ASNS: variants seen among roughly 807,000 people sequenced by gnomAD.
The protein encoded by ASNS is asparagine synthetase (glutamine-hydrolyzing), also known as asparagine synthetase [glutamine-hydrolyzing].
ASNS carries 37 observed loss-of-function variants against 62.6 expected under a neutral mutation model. The observed-to-expected ratio is 0.59, with a 90% CI of 0.45 to 0.78. The LOEUF is 0.78. ASNS is among the 30% of genes least tolerant of loss of function. The pLI is 0.00. For missense variants in ASNS, 520 were observed against 682.4 expected (o/e 0.76, Z 2.65); for synonymous variants, 207 against 237.9 (o/e 0.87, Z 1.19).
chr7:97,927,846 A>G, the ASNS span, among the ~76,000 whole-genome samples: 1 of 152,262 alleles, frequency 6.6e-6, no homozygotes, highest in Non-Finnish European at 1.5e-5. Flanking sequence ...TGAGGATGTC[A>G]CCATGAGCAA....
the ASNS span, chr7:97,898,572 A>T: frequency 1.7e-6 from 1 of 601,756 alleles, no homozygotes; most frequent in South Asian, 1.7e-5. Flanking sequence ...TTTATTGACC[A>T]CTTCTTTCAA....
At chr7:97,909,947 T>C in the ASNS span, among the ~76,000 whole-genome samples, 3 of 151,944 alleles carry the variant, frequency 2.0e-5, no homozygotes, top group East Asian at 1.9e-4. Context: ...CCATTCAGCA[T>C]CTGTTCCACT....
At chr7:97,865,171 T>C (rs1791905326) in intron 3 of ASNS, among the ~76,000 whole-genome samples, 1 of 152,214 alleles carries the variant, frequency 6.6e-6, no homozygotes, top group Admixed American at 6.5e-5. Flanking sequence ...CATTTTCATA[T>C]GCTTATAAAA....
chr7:97,910,608 C>CTTTT, the ASNS span, among the ~76,000 whole-genome samples: 2 of 144,638 alleles, frequency 1.4e-5, no homozygotes, highest in Non-Finnish European at 3.0e-5. Context: ...CAGTGAGAGA[C>CTTTT]TTTTTTTTTT....
Position 97,856,556 on chromosome 7 carries a change from G to T in ASNS, c.1030+134C>A, listed in dbSNP as rs1584460945. 11 of 795,362 alleles carry T rather than the reference G, an allele frequency of 1.4e-5. No individual in the cohort carries two copies. The South Asian group carries it at 2.4e-4, about 17-fold the overall frequency. The allele number at this position is 795,362 out of a possible 1,614,324, so 49.3% of individuals were successfully genotyped here. A position where few individuals can be genotyped will look rare whatever the true frequency, so the allele number is the denominator to read the frequency against. Reference sequence around the variant, plus strand: ...ATTCTTAAGTGGTCTTAAATAATCAGTAACATAGGGATTTAATTTGCATTC... The same window carrying T: ...ATTCTTAAGTGGTCTTAAATAATCATTAACATAGGGATTTAATTTGCATTC... On this transcript the variant is annotated intron_variant, in intron 8 of 12. Transcript: ENST00000394308.
chr7:97,884,173 C>T, the ASNS span, among the ~76,000 whole-genome samples: 3 of 152,058 alleles, frequency 2.0e-5, no homozygotes, highest in Non-Finnish European at 4.4e-5. Context: ...CCCTCCATGA[C>T]CTAGCCCCTC....
the ASNS span, among the ~76,000 whole-genome samples, chr7:97,905,522 T>C: frequency 7.9e-5 from 12 of 152,208 alleles, no homozygotes; most frequent in Non-Finnish European, 1.8e-4. Flanking sequence ...ATATTTGCTA[T>C]AACAATTGAC....
At chr7:97,886,348 C>G in the ASNS span, among the ~76,000 whole-genome samples, 1 of 151,972 alleles carries the variant, frequency 6.6e-6, no homozygotes, top group African/African-American at 2.4e-5. Context: ...GGGGTTTCAC[C>G]ATGTTGGCCA....
Position 97,853,350 on chromosome 7 carries a change from A to C in ASNS, c.1275T>G (p.Phe425Leu). Residue 425 changes from phenylalanine to leucine, a missense_variant, in exon 11 of 13, where the codon TTT becomes TTG. Coordinates refer to ENST00000394308, the MANE Select transcript of ASNS (RefSeq NM_001673.5). The stretch of plus-strand genomic sequence containing the variant: ...GTGGCAGAGACAAGTAATAGGAAGA[A>C]AATCGATGATCTAGAAATGGGACTC... ...ELRVPFLDHRFSSYYLSLPPE... is the reference protein window; with the variant it reads ...ELRVPFLDHRLSSYYLSLPPE... 1 of 1,613,260 alleles carries C rather than the reference A, an allele frequency of 6.2e-7. No homozygotes were observed. The highest frequency in any genetic ancestry group is 8.5e-7 in the Non-Finnish European group (1 of 1,179,922).
chr7:97,854,366 C>A (rs1438531574), intron 10 of ASNS, among the ~76,000 whole-genome samples: 3 of 152,182 alleles, frequency 2.0e-5, no homozygotes, highest in African/African-American at 7.2e-5. Flanking sequence ...ACCACAACAC[C>A]ACTTTGAAAT....
the ASNS span, among the ~76,000 whole-genome samples, chr7:97,916,279 G>T: frequency 6.6e-6 from 1 of 152,112 alleles, no homozygotes; most frequent in Non-Finnish European, 1.5e-5. Context: ...TACTCAGGAG[G>T]CTGAGGCAGG....
At chr7:97,911,948 T>C in the ASNS span, among the ~76,000 whole-genome samples, 18 of 152,206 alleles carry the variant, frequency 1.2e-4, no homozygotes, top group Non-Finnish European at 2.9e-5. Flanking sequence ...AGAGCCAGGC[T>C]GCCTGCATTA....
the ASNS span, among the ~76,000 whole-genome samples, chr7:97,881,845 T>C: frequency 6.6e-6 from 1 of 152,070 alleles, no homozygotes; most frequent in Admixed American, 6.5e-5. Flanking sequence ...GGATGAGGGA[T>C]GATAACAGCA....
the ASNS span, among the ~76,000 whole-genome samples, chr7:97,880,235 C>T: frequency 6.6e-6 from 1 of 151,838 alleles, no homozygotes; most frequent in Admixed American, 6.6e-5. Context: ...AGGGATTCTC[C>T]AGCCTCAGCC....
At chr7:97,903,181 C>T in the ASNS span, among the ~76,000 whole-genome samples, 1 of 151,772 alleles carries the variant, frequency 6.6e-6, no homozygotes, top group Non-Finnish European at 1.5e-5. Context: ...TTCTAATCAT[C>T]TCATAGGAAA....
At chr7:97,921,590 T>C in the ASNS span, among the ~76,000 whole-genome samples, 1 of 152,114 alleles carries the variant, frequency 6.6e-6, no homozygotes, top group Non-Finnish European at 1.5e-5. Flanking sequence ...GAAGGAGGAA[T>C]GGAGAAGGCA....
the ASNS span, among the ~76,000 whole-genome samples, chr7:97,903,862 C>T: frequency 1.3e-5 from 2 of 152,112 alleles, no homozygotes; most frequent in South Asian, 4.2e-4. Flanking sequence ...ATTTGGGGGA[C>T]AACAAAGCAA....
chr7:97,861,846 C>A (rs1016396797), intron 4 of ASNS, among the ~76,000 whole-genome samples: 10 of 152,158 alleles, frequency 6.6e-5, no homozygotes, highest in African/African-American at 2.4e-4. Context: ...CTTTCAACAA[C>A]ATTTTATAGT....
chr7:97,867,763 A>G (rs943500847), intron 3 of ASNS, among the ~76,000 whole-genome samples: 1 of 152,202 alleles, frequency 6.6e-6, no homozygotes, highest in Non-Finnish European at 1.5e-5. Context: ...GACCCTTAAT[A>G]AAGGAATAAA....
Sources: allele counts gnomAD v4.1 joint callset (sites outside exome capture counted in the v4.1 genomes callset), GRCh38; gene constraint gnomAD v4.1.1; transcripts MANE v1.5; gene names NCBI Gene and HGNC (gene_info 2026-07-23, HGNC 2026-07-21).